The following XPO6 variants were observed in gnomAD, a reference collection of about 807,000 sequenced individuals.
The protein encoded by XPO6 is exportin-6.
Under a neutral mutation model 130.0 loss-of-function variants are expected in XPO6, and 3 were observed. The ratio of observed to expected loss-of-function variants is 0.02; its 90% CI spans 0.01 to 0.06. XPO6 has a LOEUF of 0.06. Ranked by LOEUF, XPO6 falls within the 10% of genes least tolerant of loss-of-function variation. The pLI is 1.00. For synonymous variants in XPO6, 524 were observed against 548.9 expected (o/e 0.95, Z 0.63); for missense variants, 970 against 1,393.0 (o/e 0.70, Z 4.83).
At chr16:28,188,937 C>T (rs895080153) in intron 1 of XPO6, among the ~76,000 whole-genome samples, 1 of 152,070 alleles carries the variant, frequency 6.6e-6, no homozygotes, top group Non-Finnish European at 1.5e-5. Flanking sequence ...TGCTCTTTTG[C>T]ATCCCAGCCC....
At chr16:28,104,042 G>A (rs1247400969) in intron 21 of XPO6, among the ~76,000 whole-genome samples, 1 of 152,208 alleles carries the variant, frequency 6.6e-6, no homozygotes, top group Non-Finnish European at 1.5e-5. Flanking sequence ...CCACAGCAAG[G>A]GGTATTTAGC....
intron 9 of XPO6, among the ~76,000 whole-genome samples, chr16:28,137,615 C>T (rs937193240): frequency 6.6e-6 from 1 of 150,666 alleles, no homozygotes; most frequent in African/African-American, 2.4e-5. Context: ...TGGATTGTCC[C>T]ATTTCAGATT....
At chr16:28,180,336 C>T (rs1051860475) in intron 2 of XPO6, among the ~76,000 whole-genome samples, 5 of 152,174 alleles carry the variant, frequency 3.3e-5, no homozygotes, top group Non-Finnish European at 5.9e-5. Context: ...TGAACTCCAG[C>T]CTGGGCAACA....
intron 1 of XPO6, among the ~76,000 whole-genome samples, chr16:28,203,757 G>A (rs1024637657): frequency 1.1e-4 from 16 of 152,154 alleles, no homozygotes; most frequent in South Asian, 4.1e-4. Flanking sequence ...AGTTTTAAGT[G>A]ACAACTCCCT....
Position 28,125,703 on chromosome 16 carries a change from G to C in XPO6, c.1752C>G (p.Leu584=). 1 of 1,614,058 alleles carries C rather than the reference G, an allele frequency of 6.2e-7. No homozygotes were observed. The highest frequency in any genetic ancestry group is 1.1e-5 in the South Asian group (1 of 91,076). The change falls in exon 13 of 24, where the codon CTC becomes CTG. Residue 584 remains leucine (L), a synonymous_variant. Transcript: ENST00000304658. ...DVFAARFNDA[L]TVVERLVKVT... is the part of the protein sequence containing the mutation. ...TGCCAGCCTACCTTTCCACGACTGT[G>C]AGGGCATCATTGAACCGTGCAGCAA...
At chr16:28,139,444 A>G (rs1292383206) in intron 9 of XPO6, among the ~76,000 whole-genome samples, 2 of 152,214 alleles carry the variant, frequency 1.3e-5, no homozygotes, top group Non-Finnish European at 2.9e-5. Context: ...CAATATGAGA[A>G]AGAAACCTGG....
chr16:28,176,499 A>ATT (rs879328103), intron 3 of XPO6, among the ~76,000 whole-genome samples: 7 of 143,650 alleles, frequency 4.9e-5, no homozygotes, highest in Non-Finnish European at 6.2e-5. Context: ...TTACAATTAG[A>ATT]TTTTTTTTTT....
At chr16:28,165,086 G>T (rs1189483705) in intron 6 of XPO6, among the ~76,000 whole-genome samples, 3 of 152,104 alleles carry the variant, frequency 2.0e-5, no homozygotes. Context: ...GCATGTTGGT[G>T]CACATCTATG....
intron 4 of XPO6, among the ~76,000 whole-genome samples, chr16:28,172,501 T>C (rs1345941717): frequency 2.0e-5 from 3 of 152,112 alleles, no homozygotes; most frequent in South Asian, 2.1e-4. Context: ...CTTCAGGAAT[T>C]TGAAGAACAG....
intron 1 of XPO6, chr16:28,183,437 A>C (rs1489157641): frequency 6.6e-6 from 1 of 151,976 alleles, no homozygotes; most frequent in Admixed American, 6.6e-5. Flanking sequence ...TAAAAAAAAA[A>C]AAAAAAAAAA....
chr16:28,133,931 C>T lies in XPO6; in HGVS notation c.1446G>A (p.Gln482=). ...GTAAGTACCGCTGCCACTCCGTCTGCTGCTGTAGGGGAAGCACAGGAGAAT... is the reference window on the plus strand; with the variant it reads ...GTAAGTACCGCTGCCACTCCGTCTGTTGCTGTAGGGGAAGCACAGGAGAAT... The part of the protein sequence containing the change: ...ELDDETLDDD[Q]QTEWQRYLRQ... Residue 482 remains glutamine (Q), a splice_region_variant and synonymous_variant, in exon 11 of 24, where the codon CAG becomes CAA. Coordinates refer to ENST00000304658, the MANE Select transcript of XPO6 (RefSeq NM_015171.4). 1 of 1,614,000 alleles carries T rather than the reference C, an allele frequency of 6.2e-7. No homozygotes were observed. The highest frequency in any genetic ancestry group is 8.5e-7 in the Non-Finnish European group (1 of 1,179,982).
intron 1 of XPO6, among the ~76,000 whole-genome samples, chr16:28,196,999 C>T (rs1323267353): frequency 1.3e-5 from 2 of 152,166 alleles, no homozygotes; most frequent in African/African-American, 4.8e-5. Flanking sequence ...CAGACTAAAA[C>T]ATGTAGTATT....
intron 15 of XPO6, among the ~76,000 whole-genome samples, chr16:28,114,553 T>C (rs1168682793): frequency 6.6e-6 from 1 of 152,234 alleles, no homozygotes; most frequent in Non-Finnish European, 1.5e-5. Context: ...AGTTAAAAAG[T>C]AGTTTATTGC....
chr16:28,153,956 G>A (rs1311946121), intron 7 of XPO6: 26 of 985,180 alleles, frequency 2.6e-5, no homozygotes, highest in Admixed American at 6.2e-5. Flanking sequence ...CTATGCGGCC[G>A]AGCTTATTTG....
chr16:28,135,875 T>G (rs1815680224), intron 9 of XPO6, among the ~76,000 whole-genome samples: 1 of 152,206 alleles, frequency 6.6e-6, no homozygotes, highest in South Asian at 2.1e-4. Flanking sequence ...CTTATGTTCC[T>G]CAATTCCTCC....
At chr16:28,171,468 A>G (rs1349642588) in intron 4 of XPO6, among the ~76,000 whole-genome samples, 34 of 148,542 alleles carry the variant, frequency 2.3e-4, no homozygotes, top group Non-Finnish European at 2.8e-4. Flanking sequence ...AAAAAAAAAA[A>G]AAAAAGAAAA....
At chr16:28,179,101 T>C (rs2043577607) in intron 2 of XPO6, 1 of 152,000 alleles carries the variant, frequency 6.6e-6, no homozygotes, top group Admixed American at 6.6e-5. Context: ...TAATTTTAGA[T>C]CATTTCAAAG....
At chr16:28,133,136 G>C (rs1300262633) in intron 11 of XPO6, among the ~76,000 whole-genome samples, 1 of 152,212 alleles carries the variant, frequency 6.6e-6, no homozygotes, top group Non-Finnish European at 1.5e-5. Context: ...AGGAGATCGA[G>C]ACCATCCTGG....
chr16:28,106,613 C>A lies in XPO6; in HGVS notation c.2498-116G>T, dbSNP rs2086788380. ...TATCAGCTTTCTCTACAGCTTCCTG[C>A]TGGAAACATTTCCCCAACACCATCA... On this transcript the variant is annotated intron_variant, in intron 18 of 23. Coordinates refer to ENST00000304658, the MANE Select transcript of XPO6 (RefSeq NM_015171.4). This position sits in a 1 kb window ranked among gnomAD's most constrained non-coding sequence, Gnocchi z 4.2. The A allele has an allele frequency of 1.3e-6, 1 of 769,312 alleles. No homozygotes were observed. The highest frequency in any genetic ancestry group is 1.6e-5 in the South Asian group (1 of 62,350). The allele number at this position is 769,312 out of a possible 1,614,324, so 47.7% of individuals were successfully genotyped here. A position where few individuals can be genotyped will look rare whatever the true frequency, so the allele number is the denominator to read the frequency against.
Sources: gnomAD v4.1 joint callset for allele counts (sites outside exome capture counted in the v4.1 genomes callset) on GRCh38, gnomAD v4.1.1 for gene constraint, Gnocchi (gnomAD v3.1) non-coding constraint, MANE v1.5 for transcripts, NCBI Gene and HGNC (gene_info 2026-07-23, HGNC 2026-07-21) for gene names.